Variants in KIF6 observed in about 807,000 individuals in gnomAD.
KIF6 encodes kinesin family member 6.
In KIF6, 106 loss-of-function variants were observed where a neutral mutation model predicts 112.7. The ratio of observed to expected loss-of-function variants is 0.94; its 90% CI spans 0.80 to 1.11. The LOEUF is 1.11. Among genes scored for constraint, KIF6 ranks in the 50% least tolerant of loss-of-function variants. The pLI, the probability that KIF6 is intolerant of heterozygous loss-of-function variation, is 0.00. For synonymous variants in KIF6, 339 were observed against 339.9 expected, an observed-to-expected ratio of 1.00 and a Z score of 0.03; for missense variants, 929 against 964.0, an observed-to-expected ratio of 0.96 and a Z score of 0.48.
Position 39,337,154 on chromosome 6 carries a change from CTTTTCTTTCTTTCCTTCCTTCTTTCTTT to C in KIF6, c.2429-634_2429-607del, listed in dbSNP as rs1212253233. Among the ~76,000 whole-genome samples the C allele has an allele frequency of 4.7e-3, 346 of 73,886 alleles. 21 individuals are homozygous for C. The highest frequency in any genetic ancestry group is 0.01 in the African/African-American group (250 of 23,868). 48.5% of individuals were successfully genotyped at this position (73,886 alleles called of 152,430 possible). ...CTCCTTCCTTCCTTCCTTTCTCTTT[CTTTTCTTTCTTTCCTTCCTTCTTTCTTT>C]CTTTCTTTCTTTCTTTCTTTCTTTC... is the stretch of plus-strand genomic sequence containing the variant. On this transcript the variant is annotated intron_variant, in intron 22 of 22. Transcript: ENST00000287152.
At chr6:39,337,495 T>C (rs1467556884) in intron 22 of KIF6, among the ~76,000 whole-genome samples, 2 of 151,840 alleles carry the variant, frequency 1.3e-5, no homozygotes, top group Non-Finnish European at 2.9e-5. Context: ...GTATTTTTAC[T>C]AGAGATGGGG....
In KIF6 at chr6:39,342,912, C is replaced by T. The variant is rs1382853447; in HGVS notation, c.2428+797G>A. 2 of 985,328 alleles carry T rather than the reference C, an allele frequency of 2.0e-6. No homozygotes were observed. Among genetic ancestry groups the T allele is most frequent in the Non-Finnish European group, 2.4e-6 (2 of 829,946 alleles). 61.0% of individuals were successfully genotyped at this position (985,328 alleles called of 1,614,324 possible). A position where few individuals can be genotyped will look rare whatever the true frequency, so the allele number is the denominator to read the frequency against. On this transcript the variant is annotated intron_variant, in intron 22 of 22. Transcript: ENST00000287152. This position sits in a 1 kb window ranked among gnomAD's most constrained non-coding sequence, Gnocchi z 4.7. ...CACAGGGCAGGCATCAGTCATTATA[C>T]ATCGAATCTGCCAGCCCATACCATC...
At chr6:39,657,605 A>G (rs1050290820) in intron 3 of KIF6, among the ~76,000 whole-genome samples, 2 of 152,262 alleles carry the variant, frequency 1.3e-5, no homozygotes, top group African/African-American at 4.8e-5. Flanking sequence ...TTGTGCAAGT[A>G]AAGTAAATAT....
intron 3 of KIF6, among the ~76,000 whole-genome samples, chr6:39,664,037 T>A (rs1036268776): frequency 3.9e-5 from 6 of 152,230 alleles, no homozygotes; most frequent in Non-Finnish European, 4.4e-5. Flanking sequence ...TTAGTAGAAC[T>A]AATTAGGACT....
At chr6:39,681,472 T>G (rs1263916147) in intron 3 of KIF6, among the ~76,000 whole-genome samples, 1 of 152,138 alleles carries the variant, frequency 6.6e-6, no homozygotes, top group African/African-American at 2.4e-5. Context: ...TACCTTAATG[T>G]TTTAAAAAAA....
chr6:39,454,673 C>A (rs369251193), intron 13 of KIF6, among the ~76,000 whole-genome samples: 1 of 152,102 alleles, frequency 6.6e-6, no homozygotes, highest in East Asian at 1.9e-4. Flanking sequence ...ACACCGTGCG[C>A]GAGCCGAAGC....
chr6:39,592,252 A>AG lies in KIF6; in HGVS notation c.846+3801_846+3802insC, dbSNP rs1781994508. Among the ~76,000 whole-genome samples the AG allele has an allele frequency of 7.9e-5, 12 of 152,354 alleles. No homozygotes were observed. In the South Asian group the frequency reaches 2.5e-3, roughly 32 times the overall value. ...GGAGTAGAACCTCACATTATGCTTAATAATATCTCCAAGTACCTAGAAACT... is the reference window on the plus strand; with the variant it reads ...GGAGTAGAACCTCACATTATGCTTAAGTAATATCTCCAAGTACCTAGAAACT... On this transcript the variant is annotated intron_variant, in intron 7 of 22. Transcript: ENST00000287152.
intron 19 of KIF6, among the ~76,000 whole-genome samples, chr6:39,355,421 T>C (rs1581657052): frequency 6.6e-6 from 1 of 151,418 alleles, no homozygotes; most frequent in African/African-American, 2.4e-5. Context: ...CTGGTTGGTG[T>C]TGAGGGCTCA....
intron 13 of KIF6, among the ~76,000 whole-genome samples, chr6:39,498,355 G>A (rs1264435410): frequency 6.6e-6 from 1 of 152,188 alleles, no homozygotes; most frequent in South Asian, 2.1e-4. Flanking sequence ...TCCCCTAGGT[G>A]ACAGAGAGTT....
intron 13 of KIF6, among the ~76,000 whole-genome samples, chr6:39,435,187 TAATAGTAG>T (rs1352848309): frequency 6.6e-6 from 1 of 152,176 alleles, no homozygotes; most frequent in African/African-American, 2.4e-5. Flanking sequence ...CTCGTAATAT[TAATAGTAG>T]ATTTACCCAT....
intron 1 of KIF6, among the ~76,000 whole-genome samples, chr6:39,722,403 T>A (rs1446558881): frequency 3.9e-5 from 6 of 152,162 alleles, no homozygotes; most frequent in African/African-American, 1.4e-4. Context: ...CATAAAAATA[T>A]TATTTGAGAT....
chr6:39,671,757 A>C (rs111959749), intron 3 of KIF6, among the ~76,000 whole-genome samples: 2,990 of 152,338 alleles, frequency 0.02, 54 homozygotes, highest in Non-Finnish European at 0.029. Flanking sequence ...ATGTCATTTC[A>C]TTCAACATTG....
chr6:39,485,306 T>C (rs1484472171), intron 13 of KIF6, among the ~76,000 whole-genome samples: 1 of 152,134 alleles, frequency 6.6e-6, no homozygotes, highest in Admixed American at 6.5e-5. Flanking sequence ...AATGTGAAAA[T>C]GCACACAGCT....
At chr6:39,377,086 T>TAAATTTAA (rs1283593994) in intron 16 of KIF6, among the ~76,000 whole-genome samples, 1 of 152,156 alleles carries the variant, frequency 6.6e-6, no homozygotes, top group Non-Finnish European at 1.5e-5. Context: ...TTTTCTTTTT[T>TAAATTTAA]ATTTTTTTAA....
In KIF6 at chr6:39,586,308, T is replaced by C. The variant is rs1189746510; in HGVS notation, c.943A>G (p.Met315Val). Residue 315 changes from methionine to valine, a missense_variant, in exon 8 of 23, where the codon ATG (methionine) becomes GTG (valine). This residue lies in a region of KIF6 where 688 missense variants were observed against 662.7 expected (regional missense o/e 1.04). Coordinates refer to ENST00000287152, the MANE Select transcript of KIF6 (RefSeq NM_145027.6). ...VLRDSLGGNCMTTMIATLSLE... is the reference protein window; with the variant it reads ...VLRDSLGGNCVTTMIATLSLE... The stretch of plus-strand genomic sequence containing the variant: ...GAGAGTGTTGCAATCATAGTTGTCA[T>C]GCAGTTCCCTCCCAAACTGTCTCTT... 1 of 1,614,150 alleles carries C rather than the reference T, an allele frequency of 6.2e-7. No homozygotes were observed. The highest frequency in any genetic ancestry group is 8.5e-7 in the Non-Finnish European group (1 of 1,179,960).
chr6:39,717,856 A>G (rs1371319697), intron 2 of KIF6, among the ~76,000 whole-genome samples: 1 of 152,166 alleles, frequency 6.6e-6, no homozygotes, highest in Non-Finnish European at 1.5e-5. Flanking sequence ...TATTAAAACC[A>G]TTATTTTCAA....
In KIF6 at chr6:39,414,515, C is replaced by T. The variant is rs55697147; in HGVS notation, c.1810+5433G>A. On this transcript the variant is annotated intron_variant, in intron 15 of 22. Coordinates refer to ENST00000287152, the MANE Select transcript of KIF6 (RefSeq NM_145027.6). ...TGTGCCTTCCTATGGGCAGATGTAA[C>T]GCTGAGTGGCGCACATGGGATGGAG... 2.7e-3 allele frequency among the ~76,000 whole-genome samples: 405 copies of T among 152,302 alleles called. 2 individuals are homozygous for T. Among genetic ancestry groups the T allele is most frequent in the African/African-American group, 8.8e-3 (367 of 41,566 alleles).
At chr6:39,699,029 T>C (rs941511698) in intron 3 of KIF6, among the ~76,000 whole-genome samples, 5 of 152,222 alleles carry the variant, frequency 3.3e-5, no homozygotes, top group Admixed American at 6.5e-5. Context: ...AGTTTCAGGC[T>C]TCATTCCACA....
At chr6:39,657,196 G>A (rs1193035158) in intron 3 of KIF6, among the ~76,000 whole-genome samples, 1 of 150,404 alleles carries the variant, frequency 6.6e-6, no homozygotes, top group Non-Finnish European at 1.5e-5. Flanking sequence ...TAGCACCAGT[G>A]CACTCCAGCC....
Sources: allele counts gnomAD v4.1 joint callset (sites outside exome capture counted in the v4.1 genomes callset), GRCh38; gene constraint gnomAD v4.1.1; regional missense constraint gnomAD v4.1.1; non-coding constraint Gnocchi (gnomAD v3.1); transcripts MANE v1.5; gene names NCBI Gene and HGNC (gene_info 2026-07-23, HGNC 2026-07-21).